Variants in SMG6 observed in about 807,000 individuals in gnomAD.
SMG6 encodes telomerase-binding protein EST1A.
A neutral mutation model predicts 142.2 loss-of-function variants in SMG6; 66 were observed. The ratio of observed to expected loss-of-function variants is 0.46; its 90% CI spans 0.38 to 0.57. The LOEUF (loss-of-function observed/expected upper bound fraction) is 0.57, where lower values mean the gene tolerates loss of function less well. Among genes scored for constraint, SMG6 ranks in the 20% least tolerant of loss-of-function variants. The pLI is 0.00. For synonymous variants in SMG6, 779 were observed against 702.4 expected (o/e 1.11, Z -1.72); for missense variants, 1,793 against 1,832.0 (o/e 0.98, Z 0.39).
At chr17:2,104,117 A>G (rs2069087719) in intron 13 of SMG6, among the ~76,000 whole-genome samples, 1 of 151,964 alleles carries the variant, frequency 6.6e-6, no homozygotes, top group African/African-American at 2.4e-5. Context: ...TCGCCCGGCT[A>G]ATTTTTTGTA....
chr17:2,254,679 G>C (rs1187756134), intron 8 of SMG6, among the ~76,000 whole-genome samples: 1 of 152,086 alleles, frequency 6.6e-6, no homozygotes, highest in Non-Finnish European at 1.5e-5. Context: ...AGCGTAAGAG[G>C]GATGGTGAAG....
At chr17:2,161,416 A>AT (rs1044787889) in intron 13 of SMG6, among the ~76,000 whole-genome samples, 18 of 146,506 alleles carry the variant, frequency 1.2e-4, no homozygotes, top group Middle Eastern at 3.6e-3. Flanking sequence ...TTATTTATTT[A>AT]TTTTTTTTTT....
At chr17:2,088,414 G>T in intron 13 of SMG6, 2 of 985,394 alleles carry the variant, frequency 2.0e-6, no homozygotes, top group Non-Finnish European at 2.4e-6. Context: ...AAGCAACGAG[G>T]AGTAGCCCTC....
intron 8 of SMG6, among the ~76,000 whole-genome samples, chr17:2,247,505 C>T (rs1304265110): frequency 1.3e-5 from 2 of 152,120 alleles, no homozygotes; most frequent in African/African-American, 4.8e-5. Context: ...GTTACTTGTA[C>T]AGCCGGGTGC....
chr17:2,166,545 C>T (rs926690797), intron 13 of SMG6, among the ~76,000 whole-genome samples: 38 of 152,300 alleles, frequency 2.5e-4, no homozygotes, highest in Admixed American at 1.4e-3. Flanking sequence ...GCAGCCTAGA[C>T]GGCCAGGGCT....
At chr17:2,162,250 C>T (rs1193155455) in intron 13 of SMG6, among the ~76,000 whole-genome samples, 2 of 152,180 alleles carry the variant, frequency 1.3e-5, no homozygotes, top group East Asian at 1.9e-4. Context: ...AGGTGGCTCA[C>T]GCCTGTAATC....
intron 6 of SMG6, among the ~76,000 whole-genome samples, chr17:2,292,308 C>A (rs951132649): frequency 6.6e-6 from 1 of 152,182 alleles, no homozygotes; most frequent in African/African-American, 2.4e-5. Flanking sequence ...TTAGCTGGAG[C>A]ATGAGCATTC....
intron 13 of SMG6, among the ~76,000 whole-genome samples, chr17:2,094,253 T>A (rs1288029542): frequency 3.9e-5 from 6 of 152,234 alleles, no homozygotes; most frequent in South Asian, 4.1e-4. Context: ...AACGTAACTT[T>A]CTTTCTTTTT....
intron 13 of SMG6, among the ~76,000 whole-genome samples, chr17:2,118,447 G>A (rs1474754654): frequency 1.3e-5 from 2 of 152,140 alleles, no homozygotes; most frequent in Admixed American, 6.5e-5. Flanking sequence ...GCTGAGGCAC[G>A]AGAATCACTT....
intron 8 of SMG6, among the ~76,000 whole-genome samples, chr17:2,253,793 C>T (rs972770225): frequency 6.6e-6 from 1 of 152,174 alleles, no homozygotes; most frequent in Non-Finnish European, 1.5e-5. Flanking sequence ...GCACAAGTGA[C>T]ACCAAATGCC....
chr17:2,174,675 G>A (rs2071605160), intron 12 of SMG6, among the ~76,000 whole-genome samples: 1 of 152,164 alleles, frequency 6.6e-6, no homozygotes, highest in Non-Finnish European at 1.5e-5. Flanking sequence ...CCGGAGGGAC[G>A]AGTTTTCTAA....
At chr17:2,203,426 C>G (rs1395165799) in intron 10 of SMG6, among the ~76,000 whole-genome samples, 1 of 152,158 alleles carries the variant, frequency 6.6e-6, no homozygotes, top group African/African-American at 2.4e-5. Context: ...ACAAGCAGAT[C>G]TTGCAGGACA....
At chr17:2,210,534 C>T (rs1241440307) in intron 10 of SMG6, among the ~76,000 whole-genome samples, 2 of 151,616 alleles carry the variant, frequency 1.3e-5, no homozygotes, top group South Asian at 2.1e-4. Context: ...AGAAATTTTG[C>T]GAGGGTGCAC....
Position 2,299,279 on chromosome 17 carries a change from G to GT in SMG6, c.1473dup (p.Arg492ThrfsTer9). On this transcript the variant is annotated frameshift_variant, in exon 2 of 19. Transcript: ENST00000263073. LOFTEE classifies it high-confidence loss of function. This position sits in a 1 kb window ranked among gnomAD's most constrained non-coding sequence, Gnocchi z 4.3. ...TTATAGTAAGATGCCTGAGCCTGGC[G>GT]TGAGTCACCCCAAGATGTAGGGCTG... 6.2e-7 allele frequency: 1 copy of GT among 1,614,108 alleles called. No individual in the cohort carries two copies. Among genetic ancestry groups the GT allele is most frequent in the Non-Finnish European group, 8.5e-7 (1 of 1,180,026 alleles).
intron 8 of SMG6, among the ~76,000 whole-genome samples, chr17:2,268,368 G>T (rs1338790019): frequency 6.6e-6 from 1 of 152,218 alleles, no homozygotes. Flanking sequence ...GTTTTGCGGG[G>T]AGGGTGGAGG....
At chr17:2,185,096 C>G (rs140862708) in intron 12 of SMG6, among the ~76,000 whole-genome samples, 2 of 150,642 alleles carry the variant, frequency 1.3e-5, no homozygotes, top group Admixed American at 6.6e-5. Context: ...CAAGGATATA[C>G]AGACACAAAC....
intron 8 of SMG6, among the ~76,000 whole-genome samples, chr17:2,248,924 T>G (rs567490820): frequency 2.6e-5 from 4 of 152,190 alleles, no homozygotes; most frequent in African/African-American, 9.6e-5. Flanking sequence ...TCTTGCTCTT[T>G]CACCCAGGCT....
At chr17:2,279,667 A>G (rs1241112137) in intron 8 of SMG6, among the ~76,000 whole-genome samples, 1 of 152,152 alleles carries the variant, frequency 6.6e-6, no homozygotes, top group Non-Finnish European at 1.5e-5. Flanking sequence ...TAGGAGGTGG[A>G]CTCAACAGTA....
intron 1 of SMG6, among the ~76,000 whole-genome samples, chr17:2,302,425 A>T (rs2209072): frequency 2.0e-5 from 3 of 151,510 alleles, no homozygotes; most frequent in African/African-American, 4.9e-5. Context: ...CCTACAGTCC[A>T]AGCTACTGGG....
Sources: gnomAD v4.1 joint callset for allele counts (sites outside exome capture counted in the v4.1 genomes callset) on GRCh38, gnomAD v4.1.1 for gene constraint, Gnocchi (gnomAD v3.1) non-coding constraint, MANE v1.5 for transcripts, NCBI Gene and HGNC (gene_info 2026-07-23, HGNC 2026-07-21) for gene names.